CSMD1: variants seen among roughly 807,000 people sequenced by gnomAD.
The protein encoded by CSMD1 is CUB and Sushi multiple domains 1.
In CSMD1, 213 loss-of-function variants were observed where a neutral mutation model predicts 417.5. That is an observed-to-expected ratio of 0.51 (90% CI 0.46 to 0.57). The LOEUF (loss-of-function observed/expected upper bound fraction) is 0.57. Ranked by LOEUF, CSMD1 falls within the 20% of genes least tolerant of loss-of-function variation. CSMD1 has a pLI of 0.00. For missense variants in CSMD1, 6,923 were observed against 4,529.7 expected, an observed-to-expected ratio of 1.53 and a Z score of -15.17; for synonymous variants, 2,862 against 1,736.8, an observed-to-expected ratio of 1.65 and a Z score of -16.11.
chr8:3,749,511 G>C (rs187388211), intron 6 of CSMD1, among the ~76,000 whole-genome samples: 1 of 152,178 alleles, frequency 6.6e-6, no homozygotes, highest in South Asian at 2.1e-4. Flanking sequence ...AGAATTTGGA[G>C]ATGAAAGTTA....
chr8:3,277,007 G>A (rs546358878), intron 26 of CSMD1, among the ~76,000 whole-genome samples: 19 of 152,164 alleles, frequency 1.2e-4, no homozygotes, highest in East Asian at 3.9e-4. Flanking sequence ...GATTGTCTTC[G>A]CTAAAGAAAC....
chr8:4,098,397 G>C (rs915387639), intron 3 of CSMD1, among the ~76,000 whole-genome samples: 1 of 142,230 alleles, frequency 7.0e-6, no homozygotes, highest in African/African-American at 2.8e-5. Flanking sequence ...TTCCAAAATG[G>C]ATTTGTCATT....
chr8:4,510,058 G>A (rs762591621), intron 2 of CSMD1, among the ~76,000 whole-genome samples: 24 of 152,074 alleles, frequency 1.6e-4, no homozygotes, highest in Non-Finnish European at 2.2e-4. Context: ...TTGGGGGTAG[G>A]TCTTTCTCAT....
intron 47 of CSMD1, among the ~76,000 whole-genome samples, chr8:3,094,800 C>CAAAAAAAAAAAAA (rs33991879): frequency 9.5e-6 from 1 of 105,408 alleles, no homozygotes; most frequent in Non-Finnish European, 1.9e-5. Flanking sequence ...GCCCGTCTTA[C>CAAAAAAAAAAAAA]AAAAAAAAAA....
chr8:3,907,483 G>C (rs1312148476), intron 5 of CSMD1, among the ~76,000 whole-genome samples: 1 of 152,132 alleles, frequency 6.6e-6, no homozygotes, highest in East Asian at 1.9e-4. Context: ...GGTAAAAAAT[G>C]TTACAGTGGC....
chr8:4,601,349 T>G (rs899665451), intron 2 of CSMD1, among the ~76,000 whole-genome samples: 11 of 152,186 alleles, frequency 7.2e-5, no homozygotes, highest in Non-Finnish European at 1.3e-4. Context: ...GGTGGAGCTG[T>G]ACCAGGGCCT....
At chr8:4,192,205 A>C (rs933140609) in intron 3 of CSMD1, among the ~76,000 whole-genome samples, 8 of 152,192 alleles carry the variant, frequency 5.3e-5, no homozygotes, top group African/African-American at 1.7e-4. Flanking sequence ...ATCAAAGTTA[A>C]AACAGCAAAG....
At chr8:3,957,087 A>C (rs1054523867) in intron 5 of CSMD1, among the ~76,000 whole-genome samples, 1 of 151,872 alleles carries the variant, frequency 6.6e-6, no homozygotes, top group Non-Finnish European at 1.5e-5. Context: ...GGCTCTGTAT[A>C]TGTCTTTGGA....
At chr8:3,054,584 C>A (rs1461496428) in intron 49 of CSMD1, among the ~76,000 whole-genome samples, 1 of 152,114 alleles carries the variant, frequency 6.6e-6, no homozygotes, top group Non-Finnish European at 1.5e-5. Context: ...TGCCAGTGCA[C>A]TCCAGACTGG....
At chr8:4,486,664 C>T (rs554272411) in intron 2 of CSMD1, among the ~76,000 whole-genome samples, 2 of 152,102 alleles carry the variant, frequency 1.3e-5, no homozygotes, top group South Asian at 4.1e-4. Flanking sequence ...GATGGGGAAA[C>T]TGAAGTTTGG....
At chr8:4,249,286 T>C (rs1227711321) in intron 3 of CSMD1, among the ~76,000 whole-genome samples, 2 of 152,224 alleles carry the variant, frequency 1.3e-5, no homozygotes, top group Admixed American at 6.5e-5. Context: ...TCTAAAGTTA[T>C]GGAAGGTAGG....
chr8:3,090,983 G>C (rs59300583), intron 48 of CSMD1, among the ~76,000 whole-genome samples: 1 of 151,848 alleles, frequency 6.6e-6, no homozygotes, highest in Non-Finnish European at 1.5e-5. Flanking sequence ...AGTATATAAA[G>C]GGCAAAATAA....
At position 3,965,213 on chromosome 8, in the gene CSMD1, G is replaced by T. The variant is rs111891596; in HGVS notation, c.818+32690C>A. ...CCAGGAGACAAGGGCGGAAGGAGGG[G>T]CTGAACTTGAACAGAGACGGCAAAT... On this transcript the variant is annotated intron_variant, in intron 5 of 69. Transcript: ENST00000635120. Among the ~76,000 whole-genome samples, 1,308 of 152,260 alleles carry T rather than the reference G, an allele frequency of 8.6e-3. 12 individuals are homozygous for T. The highest frequency in any genetic ancestry group is 0.014 in the Non-Finnish European group (952 of 68,012).
intron 1 of CSMD1, among the ~76,000 whole-genome samples, chr8:4,895,356 T>A (rs1462032237): frequency 1.3e-5 from 2 of 152,116 alleles, no homozygotes; most frequent in Non-Finnish European, 2.9e-5. Flanking sequence ...AATGTAAGTG[T>A]AACAGCATGT....
At chr8:3,284,378 C>A in intron 25 of CSMD1, 32 bp from the exon 26 acceptor site, 2 of 1,538,264 alleles carry the variant, frequency 1.3e-6, no homozygotes, top group South Asian at 2.3e-5. Context: ...CGCTACTTGC[C>A]GTGCATCGAG....
chr8:3,001,761 G>A (rs1040936790), intron 52 of CSMD1, among the ~76,000 whole-genome samples: 2 of 152,138 alleles, frequency 1.3e-5, no homozygotes, highest in East Asian at 1.9e-4. Flanking sequence ...ATATCAAGGC[G>A]GAGACTTTCC....
intron 5 of CSMD1, among the ~76,000 whole-genome samples, chr8:3,882,532 G>C (rs564881473): frequency 1.6e-4 from 25 of 152,294 alleles, no homozygotes; most frequent in South Asian, 8.3e-4. Context: ...CATACACTGT[G>C]AGTGGACGAT....
chr8:3,597,811 G>T (rs532969461), intron 8 of CSMD1, among the ~76,000 whole-genome samples: 1 of 151,926 alleles, frequency 6.6e-6, no homozygotes, highest in Non-Finnish European at 1.5e-5. Flanking sequence ...ACAGGGAGGG[G>T]AACATCACAC....
chr8:3,474,747 T>C (rs1020962361), intron 11 of CSMD1, among the ~76,000 whole-genome samples: 6 of 152,208 alleles, frequency 3.9e-5, no homozygotes, highest in Admixed American at 2.0e-4. Context: ...CTTACTATAC[T>C]TTAACATTCA....
Sources: gnomAD v4.1 joint callset for allele counts (sites outside exome capture counted in the v4.1 genomes callset) on GRCh38, gnomAD v4.1.1 for gene constraint, MANE v1.5 for transcripts, NCBI Gene and HGNC (gene_info 2026-07-23, HGNC 2026-07-21) for gene names.